ROBO1: variants seen among roughly 807,000 people sequenced by gnomAD.
ROBO1 encodes the protein roundabout guidance receptor 1, also known as roundabout homolog 1.
ROBO1 carries 149 observed loss-of-function variants against 195.9 expected under a neutral mutation model. That is an observed-to-expected ratio of 0.76 (90% CI 0.67 to 0.87). The LOEUF (loss-of-function observed/expected upper bound fraction) is 0.87. ROBO1 is among the 40% of genes least tolerant of loss of function. The pLI is 0.00. For synonymous variants in ROBO1, 816 were observed against 733.2 expected, an observed-to-expected ratio of 1.11 and a Z score of -1.82; for missense variants, 1,933 against 2,068.3, an observed-to-expected ratio of 0.93 and a Z score of 1.27.
chr3:78,850,755 T>C (rs1431258579), intron 4 of ROBO1, among the ~76,000 whole-genome samples: 5 of 152,136 alleles, frequency 3.3e-5, no homozygotes, highest in Admixed American at 6.6e-5. Flanking sequence ...TACCACTCAA[T>C]GCAGTAAATT....
chr3:79,722,128 A>G (rs1702732007), intron 1 of ROBO1, among the ~76,000 whole-genome samples: 1 of 152,156 alleles, frequency 6.6e-6, no homozygotes, highest in African/African-American at 2.4e-5. Flanking sequence ...TAAAAGTAAT[A>G]TTACTAAGTA....
chr3:78,793,445 T>C (rs992456541), intron 4 of ROBO1, among the ~76,000 whole-genome samples: 11 of 152,232 alleles, frequency 7.2e-5, no homozygotes, highest in African/African-American at 2.7e-4. Context: ...CTTCTGATTA[T>C]ACTTAGCCTT....
chr3:79,312,749 A>G (rs900784736), intron 2 of ROBO1, among the ~76,000 whole-genome samples: 2 of 152,158 alleles, frequency 1.3e-5, no homozygotes, highest in Non-Finnish European at 2.9e-5. Context: ...AATTATATCC[A>G]TTCATTCATT....
chr3:79,425,861 G>A (rs1206054703), intron 2 of ROBO1, among the ~76,000 whole-genome samples: 3 of 152,186 alleles, frequency 2.0e-5, no homozygotes, highest in Non-Finnish European at 4.4e-5. Flanking sequence ...GATTTCACAC[G>A]CTCTCACTTG....
At chr3:78,819,553 A>G (rs563467133) in intron 4 of ROBO1, among the ~76,000 whole-genome samples, 42 of 151,544 alleles carry the variant, frequency 2.8e-4, no homozygotes, top group Non-Finnish European at 5.6e-4. Context: ...CTGTAATATC[A>G]GCTGTCTGAT....
chr3:78,756,172 T>C (rs1012386984), intron 4 of ROBO1, among the ~76,000 whole-genome samples: 1 of 152,134 alleles, frequency 6.6e-6, no homozygotes, highest in Non-Finnish European at 1.5e-5. Context: ...TATACTGTGA[T>C]GGTAACACTA....
intron 8 of ROBO1, among the ~76,000 whole-genome samples, chr3:78,711,400 T>G (rs1165812247): frequency 1.7e-5 from 1 of 58,170 alleles, no homozygotes; most frequent in Non-Finnish European, 3.4e-5. Context: ...CCTTCCTTCC[T>G]TTCTTTCTTT....
intron 2 of ROBO1, among the ~76,000 whole-genome samples, chr3:79,362,330 G>A (rs924369067): frequency 1.3e-5 from 2 of 152,034 alleles, no homozygotes; most frequent in Non-Finnish European, 1.5e-5. Context: ...GAATGAAAAG[G>A]AATATTTGTT....
chr3:78,753,943 T>A (rs1173070878), intron 4 of ROBO1, among the ~76,000 whole-genome samples: 1 of 152,190 alleles, frequency 6.6e-6, no homozygotes, highest in Non-Finnish European at 1.5e-5. Context: ...AAAGTTCACT[T>A]TTTACAGGAC....
chr3:79,244,368 C>G (rs961015490), intron 2 of ROBO1, among the ~76,000 whole-genome samples: 1 of 152,128 alleles, frequency 6.6e-6, no homozygotes, highest in African/African-American at 2.4e-5. Context: ...TTCACACTGA[C>G]AGCCCTTAAA....
At position 79,407,916 on chromosome 3, in the gene ROBO1, A is replaced by G. The variant is rs182495400; in HGVS notation, c.88+181908T>C. Reference sequence around the variant, plus strand: ...TCTTCTAAGTCTTATTTTCCTTGCCATATGATTGTGGGGGTTCTATAAACT... The same window carrying G: ...TCTTCTAAGTCTTATTTTCCTTGCCGTATGATTGTGGGGGTTCTATAAACT... On this transcript the variant is annotated intron_variant, in intron 2 of 30. Transcript: ENST00000464233. 3.2e-3 allele frequency among the ~76,000 whole-genome samples: 481 copies of G among 152,304 alleles called. 2 individuals are homozygous for G. The highest frequency in any genetic ancestry group is 0.011 in the African/African-American group (458 of 41,580).
chr3:78,886,813 C>CTAA (rs1338927754), intron 4 of ROBO1, among the ~76,000 whole-genome samples: 1 of 151,712 alleles, frequency 6.6e-6, no homozygotes, highest in African/African-American at 2.4e-5. Flanking sequence ...ACTAATATAA[C>CTAA]TAATATATGG....
chr3:78,611,957 G>A (rs1484328666), intron 28 of ROBO1, among the ~76,000 whole-genome samples: 2 of 152,112 alleles, frequency 1.3e-5, no homozygotes, highest in Admixed American at 6.5e-5. Context: ...CCAGAACTGT[G>A]AAGAAATAAA....
intron 3 of ROBO1, among the ~76,000 whole-genome samples, chr3:79,090,246 C>T (rs927787389): frequency 2.6e-5 from 4 of 152,048 alleles, no homozygotes; most frequent in African/African-American, 9.7e-5. Context: ...CCCATTTATT[C>T]ATTTTTTTAA....
In ROBO1 at chr3:78,670,228, G is replaced by C. The variant is rs1248574886; in HGVS notation, c.1416C>G (p.Phe472Leu). 1.9e-6 allele frequency: 3 copies of C among 1,604,800 alleles called. No individual in the cohort carries two copies. In the African/African-American group the frequency reaches 4.0e-5, roughly 21 times the overall value. Residue 472 changes from phenylalanine (F) to leucine (L), a missense_variant, in exon 11 of 31, where the codon TTC becomes TTG. Physicochemically the swap from Phe to Leu is conservative, Grantham distance 22 (BLOSUM62 0). Transcript: ENST00000464233. Reference protein sequence around the residue: ...VNQTVAVDGTFVLSCVATGSP... With the variant: ...VNQTVAVDGTLVLSCVATGSP... ...TGCCTGTGGCCACACAGCTGAGGAC[G>C]AAAGTGCCATCCACGGCTACAGTCT... is the stretch of plus-strand genomic sequence containing the variant.
At position 79,221,012 on chromosome 3, in the gene ROBO1, A is replaced by T. The variant is rs2082128097; in HGVS notation, c.89-95473T>A. On this transcript the variant is annotated intron_variant, in intron 2 of 30. Transcript: ENST00000464233. ...GTGACAACCAAATACGCATCCAGAC[A>T]TTACCAAATGCTTTTGGGAAGTGGG... 2.6e-5 allele frequency among the ~76,000 whole-genome samples: 4 copies of T among 151,652 alleles called. No homozygotes were observed. The South Asian group carries it at 8.3e-4, about 31-fold the overall frequency.
At chr3:79,203,808 G>A (rs113934094) in intron 2 of ROBO1, among the ~76,000 whole-genome samples, 171 of 152,190 alleles carry the variant, frequency 1.1e-3, no homozygotes, top group African/African-American at 2.9e-3. Flanking sequence ...CGTAGTTACC[G>A]GAATATCATA....
intron 3 of ROBO1, among the ~76,000 whole-genome samples, chr3:79,044,946 T>C (rs1053531767): frequency 6.6e-6 from 1 of 152,000 alleles, no homozygotes; most frequent in African/African-American, 2.4e-5. Flanking sequence ...TTGTATTAAA[T>C]AATAAATGAA....
intron 2 of ROBO1, among the ~76,000 whole-genome samples, chr3:79,243,318 G>A (rs1299107473): frequency 6.6e-6 from 1 of 152,072 alleles, no homozygotes; most frequent in African/African-American, 2.4e-5. Context: ...CTTTATAGCA[G>A]CATGATTTAT....
Sources: gnomAD v4.1 joint callset for allele counts (sites outside exome capture counted in the v4.1 genomes callset) on GRCh38, gnomAD v4.1.1 for gene constraint, MANE v1.5 for transcripts, NCBI Gene and HGNC (gene_info 2026-07-23, HGNC 2026-07-21) for gene names.